TTC28: variants seen among roughly 807,000 people sequenced by gnomAD.
TTC28 encodes tetratricopeptide repeat domain 28.
In TTC28, 61 loss-of-function variants were observed where a neutral mutation model predicts 198.0. That is an observed-to-expected ratio of 0.31 (90% CI 0.25 to 0.38). The LOEUF (loss-of-function observed/expected upper bound fraction) is 0.38. TTC28 is among the 10% of genes least tolerant of loss of function. The pLI, the probability that TTC28 is intolerant of heterozygous loss-of-function variation, is 1.00. For missense variants in TTC28, 2,678 were observed against 3,164.0 expected, an observed-to-expected ratio of 0.85 and a Z score of 3.69; for synonymous variants, 1,171 against 1,297.8, an observed-to-expected ratio of 0.90 and a Z score of 2.10.
At chr22:28,193,118 G>C (rs1469099382) in intron 5 of TTC28, among the ~76,000 whole-genome samples, 2 of 152,188 alleles carry the variant, frequency 1.3e-5, no homozygotes, top group Admixed American at 6.5e-5. Context: ...AGCCAGAAAA[G>C]AGTGGGGGCC....
intron 12 of TTC28, among the ~76,000 whole-genome samples, chr22:28,083,946 C>A (rs562360888): frequency 6.6e-6 from 1 of 152,242 alleles, no homozygotes; most frequent in African/African-American, 2.4e-5. Flanking sequence ...AACTGCAAGG[C>A]GGAAGCGAGG....
In TTC28 at chr22:28,266,626, C is replaced by T. The variant is rs552283993; in HGVS notation, c.933+29572G>A. ...GGATGACAGCCTGGTGGGCACTTGTCCCAGGGAGGTCTCAGATATGCAAGA... is the reference window on the plus strand; with the variant it reads ...GGATGACAGCCTGGTGGGCACTTGTTCCAGGGAGGTCTCAGATATGCAAGA... On this transcript the variant is annotated intron_variant, in intron 5 of 22. Transcript: ENST00000397906. Among the ~76,000 whole-genome samples, 6 of 152,250 alleles carry T rather than the reference C, an allele frequency of 3.9e-5. No homozygotes were observed. The East Asian group carries it at 9.7e-4, about 25-fold the overall frequency.
chr22:28,607,315 T>C (rs1033607678), intron 2 of TTC28, among the ~76,000 whole-genome samples: 3 of 152,210 alleles, frequency 2.0e-5, no homozygotes, highest in African/African-American at 4.8e-5. Context: ...TCATTTGTCA[T>C]AGGGGCCGTA....
At chr22:28,149,507 G>A (rs1454714890) in intron 6 of TTC28, among the ~76,000 whole-genome samples, 2 of 152,174 alleles carry the variant, frequency 1.3e-5, no homozygotes, top group East Asian at 3.8e-4. Context: ...GGCACAGAAA[G>A]ACAAATACTA....
At chr22:28,538,502 G>C (rs1175806567) in intron 2 of TTC28, among the ~76,000 whole-genome samples, 1 of 151,886 alleles carries the variant, frequency 6.6e-6, no homozygotes, top group Admixed American at 6.6e-5. Context: ...TGAAAGTTGG[G>C]TGTGGTGATA....
chr22:28,367,106 T>C (rs1306883682), intron 2 of TTC28, among the ~76,000 whole-genome samples: 2 of 152,016 alleles, frequency 1.3e-5, no homozygotes, highest in Non-Finnish European at 1.5e-5. Flanking sequence ...GATATTTACA[T>C]AGCATTTCAT....
intron 2 of TTC28, among the ~76,000 whole-genome samples, chr22:28,618,888 G>C (rs2050945955): frequency 6.6e-6 from 1 of 151,924 alleles, no homozygotes; most frequent in African/African-American, 2.4e-5. Flanking sequence ...ATTAAACAGT[G>C]AGCTACACTT....
chr22:28,512,820 T>C (rs1343399822), intron 2 of TTC28, among the ~76,000 whole-genome samples: 4 of 152,062 alleles, frequency 2.6e-5, no homozygotes, highest in Non-Finnish European at 5.9e-5. Context: ...ATGCTGGGCT[T>C]AATACCTAGG....
intron 2 of TTC28, among the ~76,000 whole-genome samples, chr22:28,590,309 T>C (rs557760957): frequency 6.6e-6 from 1 of 151,926 alleles, no homozygotes; most frequent in South Asian, 2.1e-4. Context: ...TTTTGTATTT[T>C]TAGTAGAGAC....
At chr22:28,036,512 T>C (rs961773143) in intron 12 of TTC28, among the ~76,000 whole-genome samples, 2 of 152,260 alleles carry the variant, frequency 1.3e-5, no homozygotes, top group East Asian at 1.9e-4. Context: ...GGGACACATT[T>C]AAAGCAGTGT....
At chr22:28,163,733 G>C in intron 5 of TTC28, 134 bp from the exon 6 acceptor site, 1 of 983,056 alleles carries the variant, frequency 1.0e-6, no homozygotes, top group Non-Finnish European at 1.5e-6. Flanking sequence ...CAGCGTGAGT[G>C]ACGCAGAAGA....
chr22:28,633,975 C>G (rs1434871713), intron 1 of TTC28, among the ~76,000 whole-genome samples: 1 of 152,030 alleles, frequency 6.6e-6, no homozygotes, highest in Non-Finnish European at 1.5e-5. Flanking sequence ...ACTAAGGCCT[C>G]TAAGAGCAAA....
At chr22:28,047,785 A>G (rs1426667390) in intron 12 of TTC28, among the ~76,000 whole-genome samples, 2 of 152,160 alleles carry the variant, frequency 1.3e-5, no homozygotes, top group African/African-American at 4.8e-5. Context: ...GCATATGACC[A>G]TATTCAAGTG....
intron 6 of TTC28, among the ~76,000 whole-genome samples, chr22:28,152,582 G>A (rs1466166869): frequency 6.6e-6 from 1 of 151,994 alleles, no homozygotes; most frequent in Non-Finnish European, 1.5e-5. Flanking sequence ...TACCTCCTAG[G>A]GCTACTGCGA....
At chr22:28,399,241 G>C (rs1206396936) in intron 2 of TTC28, among the ~76,000 whole-genome samples, 1 of 150,582 alleles carries the variant, frequency 6.6e-6, no homozygotes, top group Non-Finnish European at 1.5e-5. Flanking sequence ...TTAAATCCCT[G>C]CCTGTATACT....
intron 12 of TTC28, among the ~76,000 whole-genome samples, chr22:28,080,964 C>T (rs1601596087): frequency 6.6e-6 from 1 of 152,080 alleles, no homozygotes; most frequent in East Asian, 1.9e-4. Context: ...ATTGTGTTGC[C>T]TTTGTACCCT....
chr22:28,579,573 A>ATG (rs961735462), intron 2 of TTC28, among the ~76,000 whole-genome samples: 22 of 144,780 alleles, frequency 1.5e-4, no homozygotes, highest in East Asian at 6.1e-4. Flanking sequence ...ATACAAATGC[A>ATG]TGTGTGTGTA....
intron 5 of TTC28, among the ~76,000 whole-genome samples, chr22:28,179,070 GAAC>G (rs1390465223): frequency 6.6e-6 from 1 of 152,008 alleles, no homozygotes; most frequent in African/African-American, 2.4e-5. Flanking sequence ...TCTGTAACAA[GAAC>G]AACAAAATAC....
intron 2 of TTC28, among the ~76,000 whole-genome samples, chr22:28,575,045 T>C (rs181479147): frequency 6.6e-6 from 1 of 152,336 alleles, no homozygotes. Context: ...ATCCCATTTG[T>C]CCATTTTTAC....
Sources: gnomAD v4.1 joint callset for allele counts (sites outside exome capture counted in the v4.1 genomes callset) on GRCh38, gnomAD v4.1.1 for gene constraint, MANE v1.5 for transcripts, NCBI Gene and HGNC (gene_info 2026-07-23, HGNC 2026-07-21) for gene names.